PDE1A: variants seen among roughly 807,000 people sequenced by gnomAD.
The protein encoded by PDE1A is phosphodiesterase 1A, also known as dual specificity calcium/calmodulin-dependent 3',5'-cyclic nucleotide phosphodiesterase 1A.
Under a neutral mutation model 61.7 loss-of-function variants are expected in PDE1A, and 35 were observed. That is an observed-to-expected ratio of 0.57 (90% CI 0.43 to 0.75). The LOEUF (loss-of-function observed/expected upper bound fraction) is 0.75. Ranked by LOEUF, PDE1A falls within the 30% of genes least tolerant of loss-of-function variation. The probability of loss-of-function intolerance (pLI) is 0.00; values close to 1 mark genes in which losing one functional copy is unlikely to be tolerated. For missense variants in PDE1A, 597 were observed against 630.6 expected, an observed-to-expected ratio of 0.95 and a Z score of 0.57; for synonymous variants, 232 against 213.2, an observed-to-expected ratio of 1.09 and a Z score of -0.77.
intron 11 of PDE1A, 152 bp from the exon 12 acceptor site, chr2:182,186,740 A>T (rs1377697726): frequency 1.4e-6 from 1 of 695,562 alleles, no homozygotes; most frequent in Non-Finnish European, 2.4e-6. Context: ...GTATTGTTTT[A>T]ATCTAATAAC....
At chr2:182,320,296 G>A (rs1023756904) in intron 1 of PDE1A, among the ~76,000 whole-genome samples, 26 of 152,118 alleles carry the variant, frequency 1.7e-4, no homozygotes, top group African/African-American at 4.6e-4. Context: ...ACCAGAGCAT[G>A]AGCATACTCA....
intron 2 of PDE1A, among the ~76,000 whole-genome samples, chr2:182,474,412 G>C (rs1687228921): frequency 6.6e-6 from 1 of 151,876 alleles, no homozygotes; most frequent in Non-Finnish European, 1.5e-5. Flanking sequence ...GAGGCCAAAA[G>C]CTGCCCTAGA....
exon 8 of PDE1A, chr2:182,205,974 T>C: frequency 6.2e-7 from 1 of 1,610,730 alleles, no homozygotes. Flanking sequence ...ATCAAGATAT[T>C]CATTTCTTCT....
At chr2:182,605,392 G>A in the PDE1A span, among the ~76,000 whole-genome samples, 4 of 152,126 alleles carry the variant, frequency 2.6e-5, no homozygotes, top group African/African-American at 9.7e-5. Flanking sequence ...ATTCCAGGCA[G>A]AGGTGTCACT....
intron 1 of PDE1A, among the ~76,000 whole-genome samples, chr2:182,272,499 A>G (rs1317506931): frequency 6.6e-6 from 1 of 152,194 alleles, no homozygotes; most frequent in Non-Finnish European, 1.5e-5. Flanking sequence ...ATATTCAACA[A>G]CTTCAAAAAT....
intron 1 of PDE1A, among the ~76,000 whole-genome samples, chr2:182,352,748 A>G (rs768067871): frequency 6.6e-6 from 1 of 151,868 alleles, no homozygotes; most frequent in African/African-American, 2.4e-5. Flanking sequence ...AGCTGACTTG[A>G]TGTGTGGCAG....
exon 14 of PDE1A, chr2:182,168,192 A>G: frequency 6.4e-7 from 1 of 1,553,736 alleles, no homozygotes; most frequent in Non-Finnish European, 8.6e-7. Flanking sequence ...AAAATCTCCA[A>G]GTCTTTTGGT....
intron 1 of PDE1A, among the ~76,000 whole-genome samples, chr2:182,403,191 A>C (rs984729670): frequency 6.6e-6 from 1 of 152,216 alleles, no homozygotes; most frequent in African/African-American, 2.4e-5. Context: ...CCAAAGGACT[A>C]TAAATCATTC....
chr2:182,681,776 G>C, the PDE1A span, among the ~76,000 whole-genome samples: 4 of 152,184 alleles, frequency 2.6e-5, no homozygotes, highest in African/African-American at 9.6e-5. Flanking sequence ...CTCCCGAGTA[G>C]CTGGGACTAC....
intron 1 of PDE1A, among the ~76,000 whole-genome samples, chr2:182,351,868 T>C (rs1300514104): frequency 6.6e-6 from 1 of 152,200 alleles, no homozygotes; most frequent in Non-Finnish European, 1.5e-5. Context: ...TAGAGCATTA[T>C]CTGGATTAAG....
At chr2:182,225,101 T>G (rs1178826649) in intron 6 of PDE1A, among the ~76,000 whole-genome samples, 1 of 151,976 alleles carries the variant, frequency 6.6e-6, no homozygotes, top group African/African-American at 2.4e-5. Flanking sequence ...GGCTAATTGG[T>G]GGCAGTAGAT....
At chr2:182,230,081 A>ATTT (rs1445413273) in exon 6 of PDE1A, 6 of 1,613,080 alleles carry the variant, frequency 3.7e-6, no homozygotes, top group Non-Finnish European at 4.2e-6. Flanking sequence ...TGTGATATGG[A>ATTT]TTTTTGTACT....
chr2:182,661,685 T>C, the PDE1A span, among the ~76,000 whole-genome samples: 2 of 152,148 alleles, frequency 1.3e-5, no homozygotes, highest in East Asian at 1.9e-4. Flanking sequence ...CAAGAAACTA[T>C]AGACAAATTA....
At chr2:182,385,440 T>C (rs1406050129) in intron 1 of PDE1A, among the ~76,000 whole-genome samples, 2 of 152,132 alleles carry the variant, frequency 1.3e-5, no homozygotes, top group African/African-American at 4.8e-5. Flanking sequence ...GGAATAAATG[T>C]ATATTTTGTG....
the PDE1A span, among the ~76,000 whole-genome samples, chr2:182,536,524 T>G: frequency 6.6e-6 from 1 of 152,154 alleles, no homozygotes; most frequent in Non-Finnish European, 1.5e-5. Context: ...TAAAGAAGAC[T>G]ATAAAAGCTT....
At chr2:182,212,779 C>A (rs1421665400) in intron 7 of PDE1A, among the ~76,000 whole-genome samples, 1 of 152,166 alleles carries the variant, frequency 6.6e-6, no homozygotes, top group Non-Finnish European at 1.5e-5. Context: ...CCCACAGAGT[C>A]TCGCTGATTG....
At chr2:182,237,265 G>C (rs1690094482) in intron 3 of PDE1A, among the ~76,000 whole-genome samples, 1 of 152,148 alleles carries the variant, frequency 6.6e-6, no homozygotes, top group Admixed American at 6.6e-5. Flanking sequence ...GGCCGAGGCG[G>C]GTGAATCACC....
chr2:182,555,965 C>CAAAAAAAAAAAAAA, the PDE1A span, among the ~76,000 whole-genome samples: 6 of 48,438 alleles, frequency 1.2e-4, no homozygotes, highest in African/African-American at 6.2e-4. Flanking sequence ...AACTCCATCT[C>CAAAAAAAAAAAAAA]AAAAAAAAAA....
intron 13 of PDE1A, among the ~76,000 whole-genome samples, chr2:182,158,436 A>T (rs1291888460): frequency 6.6e-6 from 1 of 152,166 alleles, no homozygotes; most frequent in Non-Finnish European, 1.5e-5. Flanking sequence ...CCTTTATTTG[A>T]TGAAGTTTTT....
Sources: allele counts gnomAD v4.1 joint callset (sites outside exome capture counted in the v4.1 genomes callset), GRCh38; gene constraint gnomAD v4.1.1; transcripts MANE v1.5; gene names NCBI Gene and HGNC (gene_info 2026-07-23, HGNC 2026-07-21).